The following QSOX2 variants were observed in gnomAD, a reference collection of about 807,000 sequenced individuals.
The protein encoded by QSOX2 is sulfhydryl oxidase 2.
Under a neutral mutation model 61.7 loss-of-function variants are expected in QSOX2, and 46 were observed. That is an observed-to-expected ratio of 0.75 (90% CI 0.59 to 0.95). QSOX2 has a LOEUF of 0.95. QSOX2 is among the 40% of genes least tolerant of loss of function. The pLI is 0.00. For missense variants in QSOX2, 879 were observed against 918.9 expected, an observed-to-expected ratio of 0.96 and a Z score of 0.56; for synonymous variants, 383 against 388.4, an observed-to-expected ratio of 0.99 and a Z score of 0.16.
chr9:136,210,656 A>C, intron 11 of QSOX2: 1 of 985,452 alleles, frequency 1.0e-6, no homozygotes, highest in Non-Finnish European at 1.2e-6. Context: ...CTTCAGCTGT[A>C]ATATGTTTTT....
intron 1 of QSOX2, 67 bp downstream of exon 1, chr9:136,245,409 T>C: frequency 1.4e-6 from 2 of 1,389,838 alleles, no homozygotes; most frequent in South Asian, 2.6e-5. Flanking sequence ...TCTGGGGCGG[T>C]CGCAAGGGGT....
intron 1 of QSOX2, among the ~76,000 whole-genome samples, chr9:136,240,139 G>A (rs988206499): frequency 6.6e-6 from 1 of 152,350 alleles, no homozygotes; most frequent in East Asian, 1.9e-4. Context: ...CAGCCAGGGG[G>A]TTCCAAAGGG....
At chr9:136,226,277 G>A (rs1261125960) in intron 2 of QSOX2, among the ~76,000 whole-genome samples, 1 of 152,226 alleles carries the variant, frequency 6.6e-6, no homozygotes, top group Admixed American at 6.5e-5. Context: ...AGGGTCACAG[G>A]TACCTCCGCC....
intron 11 of QSOX2, chr9:136,210,491 C>G (rs1278342250): frequency 1.4e-5 from 14 of 985,324 alleles, no homozygotes; most frequent in Admixed American, 1.2e-4. Flanking sequence ...ACAGGGAGCT[C>G]TGTGGGCGGC....
intron 6 of QSOX2, among the ~76,000 whole-genome samples, chr9:136,220,453 C>A (rs1190415887): frequency 6.6e-6 from 1 of 152,256 alleles, no homozygotes; most frequent in Non-Finnish European, 1.5e-5. Context: ...CACGTCCTAT[C>A]TTCTCACTGC....
Position 136,209,371 on chromosome 9 carries a change from G to T in QSOX2, c.1550-96C>A, listed in dbSNP as rs551383402. The T allele has an allele frequency of 6.5e-7, 1 of 1,539,582 alleles. No individual in the cohort carries two copies. Among genetic ancestry groups the T allele is most frequent in the African/African-American group, 1.4e-5 (1 of 73,010 alleles). On this transcript the variant is annotated intron_variant, in intron 11 of 11. Transcript: ENST00000358701. The surrounding 1 kb of genome is among the most constrained non-coding windows in gnomAD (Gnocchi z 5.6). Reference sequence around the variant, plus strand: ...CCGGACTCCCACTCCCACCCACCACGGGCCTCCACTGCCCTGGCCCAGGGT... The same window carrying T: ...CCGGACTCCCACTCCCACCCACCACTGGCCTCCACTGCCCTGGCCCAGGGT...
chr9:136,240,948 T>C (rs1333392609), intron 1 of QSOX2, among the ~76,000 whole-genome samples: 2 of 152,216 alleles, frequency 1.3e-5, no homozygotes, highest in Non-Finnish European at 2.9e-5. Context: ...GCTTATGACC[T>C]GGGTCACCCC....
At position 136,208,932 on chromosome 9, in the gene QSOX2, C is replaced by T; in HGVS notation, c.1893G>A (p.Gly631=). Residue 631 remains glycine (G), a synonymous_variant, in exon 12 of 12, where the codon GGG becomes GGA. Coordinates refer to ENST00000358701, the MANE Select transcript of QSOX2 (RefSeq NM_181701.4). ...LPESLHHSLD[G]KLQSLDGPGA... ...CGGGCCCATCCAGACTCTGGAGTTTCCCGTCCAAGCTGTGATGCAAGCTCT... is the reference window on the plus strand; with the variant it reads ...CGGGCCCATCCAGACTCTGGAGTTTTCCGTCCAAGCTGTGATGCAAGCTCT... 1 of 1,613,796 alleles carries T rather than the reference C, an allele frequency of 6.2e-7. No homozygotes were observed. Among genetic ancestry groups the T allele is most frequent in the Non-Finnish European group, 8.5e-7 (1 of 1,179,890 alleles).
In QSOX2 at chr9:136,209,950, G is replaced by A. The variant is rs1831825853; in HGVS notation, c.1550-675C>T. 1 of 985,306 alleles carries A rather than the reference G, an allele frequency of 1.0e-6. No homozygotes were observed. The highest frequency in any genetic ancestry group is 1.7e-5 in the African/African-American group (1 of 57,250). 61.0% of individuals were successfully genotyped at this position (985,306 alleles called of 1,614,324 possible). On this transcript the variant is annotated intron_variant, in intron 11 of 11. Coordinates refer to ENST00000358701, the MANE Select transcript of QSOX2 (RefSeq NM_181701.4). This position sits in a 1 kb window ranked among gnomAD's most constrained non-coding sequence, Gnocchi z 5.6. ...CGCACGGCGCCTCCTAGCTCTCGGA[G>A]CCCCTGCGACCCGACTTGCTGACAC...
Position 136,209,591 on chromosome 9 carries a change from C to G in QSOX2, c.1550-316G>C, listed in dbSNP as rs1474637624. 1 of 985,284 alleles carries G rather than the reference C, an allele frequency of 1.0e-6. No individual in the cohort carries two copies. The highest frequency in any genetic ancestry group is 1.7e-5 in the African/African-American group (1 of 57,240). The allele number at this position is 985,284 out of a possible 1,614,324, so 61.0% of individuals were successfully genotyped here. ...CTGTCCCAAACCACCCAGCACTCCA[C>G]TTCCAAAACGGAGCATGCAGCTCTC... On this transcript the variant is annotated intron_variant, in intron 11 of 11. Transcript: ENST00000358701. The surrounding 1 kb of genome is among the most constrained non-coding windows in gnomAD (Gnocchi z 5.6).
At position 136,209,425 on chromosome 9, in the gene QSOX2, C is replaced by A; in HGVS notation, c.1550-150G>T. On this transcript the variant is annotated intron_variant, in intron 11 of 11. Transcript: ENST00000358701. The surrounding 1 kb of genome is among the most constrained non-coding windows in gnomAD (Gnocchi z 5.6). ...GCCAGGCCTCCCTCCCTGCCCTTCC[C>A]ACCACCCGTCCCTTGCAGTTCGGCC... is the stretch of plus-strand genomic sequence containing the variant. 1 of 1,484,452 alleles carries A rather than the reference C, an allele frequency of 6.7e-7. No individual in the cohort carries two copies. The highest frequency in any genetic ancestry group is 2.3e-5 in the East Asian group (1 of 42,556). 92.0% of individuals were successfully genotyped at this position (1,484,452 alleles called of 1,614,324 possible).
chr9:136,226,369 CGT>C (rs746950672), intron 2 of QSOX2, among the ~76,000 whole-genome samples: 12 of 152,108 alleles, frequency 7.9e-5, no homozygotes, highest in African/African-American at 1.2e-4. Flanking sequence ...CCTGTGTGTG[CGT>C]GTGTGTGTGC....
At chr9:136,210,961 C>T (rs1831836399) in intron 11 of QSOX2, 4 of 941,018 alleles carry the variant, frequency 4.3e-6, no homozygotes, top group Non-Finnish European at 5.1e-6. Context: ...AAAACATCTT[C>T]AGAGTCTAAC....
intron 10 of QSOX2, among the ~76,000 whole-genome samples, chr9:136,212,791 G>T (rs1831862903): frequency 6.6e-6 from 1 of 152,228 alleles, no homozygotes; most frequent in Non-Finnish European, 1.5e-5. Context: ...AGGATTAGAG[G>T]CCTTCACAGG....
Position 136,223,705 on chromosome 9 carries a change from C to G in QSOX2, c.675+58G>C. ...GGCACCTGCAAATCTCATCACAGATCCACCGCCAACCCCAATCACACCACG... is the reference window on the plus strand; with the variant it reads ...GGCACCTGCAAATCTCATCACAGATGCACCGCCAACCCCAATCACACCACG... On this transcript the variant is annotated intron_variant, in intron 5 of 11. Transcript: ENST00000358701. This position sits in a 1 kb window ranked among gnomAD's most constrained non-coding sequence, Gnocchi z 4.4. The G allele has an allele frequency of 2.2e-6, 3 of 1,367,264 alleles. No homozygotes were observed. The South Asian group carries it at 3.6e-5, about 16-fold the overall frequency. The allele number at this position is 1,367,264 out of a possible 1,614,324, so 84.7% of individuals were successfully genotyped here.
In QSOX2 at chr9:136,226,756, C is replaced by T. The variant is rs760912578; in HGVS notation, c.429+18G>A. The T allele has an allele frequency of 1.3e-6, 2 of 1,597,802 alleles. No homozygotes were observed. The highest frequency in any genetic ancestry group is 8.6e-7 in the Non-Finnish European group (1 of 1,165,076). ...TAGAAGGTGAATTTCAACGGACAAG[C>T]AGCCGCGTGATACTCACCCGGAAGG... On this transcript the variant is annotated intron_variant, in intron 2 of 11. Coordinates refer to ENST00000358701, the MANE Select transcript of QSOX2 (RefSeq NM_181701.4).
chr9:136,224,478 G>C (rs1019479207), intron 3 of QSOX2, among the ~76,000 whole-genome samples: 3 of 152,168 alleles, frequency 2.0e-5, no homozygotes, highest in Non-Finnish European at 4.4e-5. Flanking sequence ...AGCTCCACCG[G>C]GTCCCTCACA....
At position 136,222,696 on chromosome 9, in the gene QSOX2, G is replaced by A. The variant is rs921479513; in HGVS notation, c.676-755C>T. Among the ~76,000 whole-genome samples the A allele has an allele frequency of 6.6e-6, 1 of 152,188 alleles. No homozygotes were observed. The highest frequency in any genetic ancestry group is 1.5e-5 in the Non-Finnish European group (1 of 68,036). ...GTGCTGAAGAGCACTCCTCCTGCACGAGTGGAGCCTGGCTGCCCCGAACGC... is the reference window on the plus strand; with the variant it reads ...GTGCTGAAGAGCACTCCTCCTGCACAAGTGGAGCCTGGCTGCCCCGAACGC... On this transcript the variant is annotated intron_variant, in intron 5 of 11. Coordinates refer to ENST00000358701, the MANE Select transcript of QSOX2 (RefSeq NM_181701.4). This position sits in a 1 kb window ranked among gnomAD's most constrained non-coding sequence, Gnocchi z 6.9.
chr9:136,209,643 C>T lies in QSOX2; in HGVS notation c.1550-368G>A. The T allele has an allele frequency of 1.0e-6, 1 of 985,254 alleles. No homozygotes were observed. Among genetic ancestry groups the T allele is most frequent in the South Asian group, 4.7e-5 (1 of 21,288 alleles). The allele number at this position is 985,254 out of a possible 1,614,324, so 61.0% of individuals were successfully genotyped here. ...CCTGGAGGCCTTTCTCCGCACAGTG[C>T]TGCCTGTGTGCCCCTCCCCCCACTG... On this transcript the variant is annotated intron_variant, in intron 11 of 11. Coordinates refer to ENST00000358701, the MANE Select transcript of QSOX2 (RefSeq NM_181701.4). The surrounding 1 kb of genome is among the most constrained non-coding windows in gnomAD (Gnocchi z 5.6).
Sources: allele counts gnomAD v4.1 joint callset (sites outside exome capture counted in the v4.1 genomes callset), GRCh38; gene constraint gnomAD v4.1.1; non-coding constraint Gnocchi (gnomAD v3.1); transcripts MANE v1.5; gene names NCBI Gene and HGNC (gene_info 2026-07-23, HGNC 2026-07-21).